F5: variants seen among roughly 807,000 people sequenced by gnomAD.
F5 encodes coagulation factor V.
F5 carries 138 observed loss-of-function variants against 216.4 expected under a neutral mutation model. That is an observed-to-expected ratio of 0.64 (90% confidence interval 0.56 to 0.73). The LOEUF is 0.73. Ranked by LOEUF, F5 falls within the 30% of genes least tolerant of loss-of-function variation. The probability of loss-of-function intolerance (pLI) is 0.00; values close to 1 mark genes in which losing one functional copy is unlikely to be tolerated. For missense variants in F5, 2,403 were observed against 2,674.0 expected (o/e 0.90, Z 2.24); for synonymous variants, 916 against 930.7 (o/e 0.98, Z 0.29).
At chr1:169,563,876 T>C (rs1249004508) in intron 3 of F5, among the ~76,000 whole-genome samples, 1 of 152,142 alleles carries the variant, frequency 6.6e-6, no homozygotes, top group Non-Finnish European at 1.5e-5. Flanking sequence ...CTCAATCTGT[T>C]GAGTTTTTTC....
At position 169,586,015 on chromosome 1, in the gene F5, G is replaced by T. The variant is rs543271339; in HGVS notation, c.158+214C>A. Among the ~76,000 whole-genome samples, 3 of 151,982 alleles carry T rather than the reference G, an allele frequency of 2.0e-5. No individual in the cohort carries two copies. The South Asian group carries it at 6.2e-4, about 32-fold the overall frequency. ...GGTAGCATCTAACCAATCAAATAGGGTGCTTTCTAAACCCTCAGAATGATA... is the reference window on the plus strand; with the variant it reads ...GGTAGCATCTAACCAATCAAATAGGTTGCTTTCTAAACCCTCAGAATGATA... On this transcript the variant is annotated intron_variant, in intron 1 of 24. Coordinates refer to ENST00000367797, the MANE Select transcript of F5 (RefSeq NM_000130.5).
At chr1:169,562,019 C>A in intron 3 of F5, among the ~76,000 whole-genome samples, 1 of 151,464 alleles carries the variant, frequency 6.6e-6, no homozygotes, top group East Asian at 1.9e-4. Context: ...CCCTCTCTTT[C>A]TTCCTTTCAT....
intron 19 of F5, 142 bp downstream of exon 19, chr1:169,524,695 G>T: frequency 1.3e-6 from 1 of 750,224 alleles, no homozygotes. Flanking sequence ...ACCCCAAATG[G>T]AGCTGCTTCA....
In F5 at chr1:169,518,627, G is replaced by A. The variant is rs533813935; in HGVS notation, c.6194-64C>T. 43 of 1,532,866 alleles carry A rather than the reference G, an allele frequency of 2.8e-5. No homozygotes were observed. The East Asian group carries it at 9.3e-4, about 33-fold the overall frequency. The allele number at this position is 1,532,866 out of a possible 1,614,324, so 95.0% of individuals were successfully genotyped here. On this transcript the variant is annotated intron_variant, in intron 22 of 24. Transcript: ENST00000367797. ...TATTCCCTGCATGGCTTCATGCACT[G>A]CAGAGGAGATAAGAAATAATATTAC...
chr1:169,559,993 C>T (rs1347003943), intron 4 of F5, among the ~76,000 whole-genome samples: 5 of 152,092 alleles, frequency 3.3e-5, no homozygotes, highest in Non-Finnish European at 7.4e-5. Context: ...GGGCTGGATT[C>T]TCATGGGATA....
At chr1:169,571,477 T>G (rs945130364) in intron 3 of F5, among the ~76,000 whole-genome samples, 2 of 152,154 alleles carry the variant, frequency 1.3e-5, no homozygotes, top group Non-Finnish European at 2.9e-5. Context: ...AATTTTAACT[T>G]GTCTGCCTTT....
chr1:169,571,789 C>T (rs1249481541), intron 3 of F5, among the ~76,000 whole-genome samples: 8 of 152,210 alleles, frequency 5.3e-5, no homozygotes, highest in East Asian at 1.9e-4. Flanking sequence ...AAATAGGTAT[C>T]GTCTATGGCT....
In F5 at chr1:169,518,485, C is replaced by T; in HGVS notation, c.6272G>A (p.Trp2091Ter). 6.2e-7 allele frequency: 1 copy of T among 1,613,826 alleles called. No homozygotes were observed. Among genetic ancestry groups the T allele is most frequent in the South Asian group, 1.1e-5 (1 of 91,064 alleles). ...GAAGGGTTCCCAGTAATCTCCCCAC[C>T]AAGATTTCTTAAACGAAGAAGCTGT... Reference protein sequence around the residue: ...QITASSFKKSWWGDYWEPFRA... With the variant: ...QITASSFKKS The change falls in exon 23 of 25, where the codon TGG (tryptophan) becomes TAG (stop). Residue 2091 changes from tryptophan (W) to a stop codon, truncating the protein, a stop_gained. Coordinates refer to ENST00000367797, the MANE Select transcript of F5 (RefSeq NM_000130.5). LOFTEE classifies it high-confidence loss of function.
chr1:169,550,656 G>T lies in F5; in HGVS notation c.1380C>A (p.Asn460Lys). ...GATTCAAACCTGAGGTGAAAGAAGA[G>T]TTGACTTCATCTTCATAAGGCGAGA... The part of the protein sequence containing the change: ...VTFSPYEDEV[N>K]SSFTSGRNNT... Residue 460 changes from asparagine (N) to lysine (K), a missense_variant, in exon 9 of 25, where the codon AAC becomes AAA. By Grantham distance (94) the Asn-to-Lys change is moderately conservative (BLOSUM62 0). Coordinates refer to ENST00000367797, the MANE Select transcript of F5 (RefSeq NM_000130.5). 6.2e-7 allele frequency: 1 copy of T among 1,613,184 alleles called. No homozygotes were observed. The highest frequency in any genetic ancestry group is 8.5e-7 in the Non-Finnish European group (1 of 1,179,222).
intron 14 of F5, among the ~76,000 whole-genome samples, chr1:169,531,531 T>A (rs899018639): frequency 6.6e-6 from 1 of 152,068 alleles, no homozygotes; most frequent in African/African-American, 2.4e-5. Flanking sequence ...TTGGCCATCA[T>A]AGAATGAACA....
chr1:169,537,976 G>GTATA (rs1331685182), intron 13 of F5, among the ~76,000 whole-genome samples: 1 of 152,016 alleles, frequency 6.6e-6, no homozygotes, highest in Admixed American at 6.6e-5. Context: ...CCACTTTTGG[G>GTATA]TATATACCCA....
At position 169,546,467 on chromosome 1, in the gene F5, C is replaced by T; in HGVS notation, c.1737G>A (p.Lys579=). The change falls in exon 11 of 25, where the codon AAG becomes AAA. Residue 579 remains lysine, a synonymous_variant. Transcript: ENST00000367797. The stretch of plus-strand genomic sequence containing the variant: ...TGCTCATGATGTTTGATTCATAAAA[C>T]TTGGGGTCATCACGTTTCACCTCAT... ...NPDEVKRDDP[K]FYESNIMSTI... 6.2e-7 allele frequency: 1 copy of T among 1,614,114 alleles called. No individual in the cohort carries two copies. The highest frequency in any genetic ancestry group is 8.5e-7 in the Non-Finnish European group (1 of 1,180,006).
rs2101825352 is a variant in F5, at chr1:169,550,022, G to T, written c.1397-7C>A. 2 of 1,610,248 alleles carry T rather than the reference G, an allele frequency of 1.2e-6. No individual in the cohort carries two copies. Among genetic ancestry groups the T allele is most frequent in the Non-Finnish European group, 1.7e-6 (2 of 1,177,036 alleles). On this transcript the variant is annotated splice_polypyrimidine_tract_variant and splice_region_variant and intron_variant, in intron 9 of 24. Transcript: ENST00000367797. ...ATCATGGTGTTGTTCCTGCCTGAAAGAAAATATATTCAAAATTGTTTTCAT... is the reference window on the plus strand; with the variant it reads ...ATCATGGTGTTGTTCCTGCCTGAAATAAAATATATTCAAAATTGTTTTCAT...
intron 14 of F5, among the ~76,000 whole-genome samples, chr1:169,535,797 A>G (rs796850725): frequency 9.2e-5 from 14 of 152,326 alleles, no homozygotes; most frequent in African/African-American, 3.4e-4. Flanking sequence ...GTACTTGTTT[A>G]CGTTTTTAAA....
At chr1:169,519,862 G>A (rs1659252719) in intron 22 of F5, among the ~76,000 whole-genome samples, 2 of 152,124 alleles carry the variant, frequency 1.3e-5, no homozygotes. Flanking sequence ...ATATTGGAAA[G>A]CACTGCTTTA....
At chr1:169,527,120 G>A (rs1161044075) in intron 17 of F5, among the ~76,000 whole-genome samples, 1 of 152,070 alleles carries the variant, frequency 6.6e-6, no homozygotes, top group African/African-American at 2.4e-5. Flanking sequence ...AACTATAATT[G>A]CGGTTTTTGC....
chr1:169,519,424 T>C (rs1376286264), intron 22 of F5, among the ~76,000 whole-genome samples: 1 of 152,122 alleles, frequency 6.6e-6, no homozygotes, highest in African/African-American at 2.4e-5. Context: ...ATTTATACCA[T>C]ATGGAAAGAA....
In F5 at chr1:169,513,639, C is replaced by T. The variant is rs1557902432; in HGVS notation, c.*674G>A. Among the ~76,000 whole-genome samples, 1 of 152,044 alleles carries T rather than the reference C, an allele frequency of 6.6e-6. No individual in the cohort carries two copies. The highest frequency in any genetic ancestry group is 1.5e-5 in the Non-Finnish European group (1 of 67,978). ...CATGTAGTACCAGCTAGAATAAAGCCAACATTACACATTCAGTTCTACCAT... is the reference window on the plus strand; with the variant it reads ...CATGTAGTACCAGCTAGAATAAAGCTAACATTACACATTCAGTTCTACCAT... On this transcript the variant is annotated 3_prime_UTR_variant, in exon 25 of 25. Coordinates refer to ENST00000367797, the MANE Select transcript of F5 (RefSeq NM_000130.5).
chr1:169,519,708 CTATT>C (rs1355172491), intron 22 of F5, among the ~76,000 whole-genome samples: 5 of 152,172 alleles, frequency 3.3e-5, no homozygotes, highest in Non-Finnish European at 5.9e-5. Flanking sequence ...TCTAGTGCAC[CTATT>C]TATTGATCCC....
Sources: allele counts gnomAD v4.1 joint callset (sites outside exome capture counted in the v4.1 genomes callset), GRCh38; gene constraint gnomAD v4.1.1; transcripts MANE v1.5; gene names NCBI Gene and HGNC (gene_info 2026-07-23, HGNC 2026-07-21).